PXDNL: variants seen among roughly 807,000 people sequenced by gnomAD.
PXDNL encodes probable oxidoreductase PXDNL.
A neutral mutation model predicts 150.8 loss-of-function variants in PXDNL; 145 were observed. The observed-to-expected ratio is 0.96, with a 90% CI of 0.84 to 1.10. The LOEUF (loss-of-function observed/expected upper bound fraction) is 1.10. Ranked by LOEUF, PXDNL falls within the 50% of genes least tolerant of loss-of-function variation. PXDNL has a pLI of 0.00. For missense variants in PXDNL, 2,087 were observed against 1,873.9 expected, an observed-to-expected ratio of 1.11 and a Z score of -2.10; for synonymous variants, 757 against 725.7, an observed-to-expected ratio of 1.04 and a Z score of -0.69.
chr8:51,617,091 T>C (rs1336626620), intron 2 of PXDNL, among the ~76,000 whole-genome samples: 2 of 152,172 alleles, frequency 1.3e-5, no homozygotes, highest in Non-Finnish European at 2.9e-5. Flanking sequence ...ATTGGGAGAA[T>C]AGACCGTTAA....
Position 51,500,515 on chromosome 8 carries a change from T to G in PXDNL, c.381-745A>C, listed in dbSNP as rs964670088. On this transcript the variant is annotated intron_variant, in intron 4 of 22. Coordinates refer to ENST00000356297, the MANE Select transcript of PXDNL (RefSeq NM_144651.5). Reference sequence around the variant, plus strand: ...GTTGAGCAGACCTTTGTGAAGCAAATCTTCCCAACAGACAGAAAGATCCAT... The same window carrying G: ...GTTGAGCAGACCTTTGTGAAGCAAAGCTTCCCAACAGACAGAAAGATCCAT... 5.3e-5 allele frequency among the ~76,000 whole-genome samples: 8 copies of G among 152,320 alleles called. No homozygotes were observed. In the East Asian group the frequency reaches 7.7e-4, roughly 15 times the overall value.
intron 1 of PXDNL, among the ~76,000 whole-genome samples, chr8:51,658,677 C>G (rs1815206818): frequency 6.6e-6 from 1 of 152,122 alleles, no homozygotes; most frequent in South Asian, 2.1e-4. Context: ...ATTCAAATGG[C>G]CACCAAATTT....
chr8:51,375,673 T>G (rs1200612946), intron 17 of PXDNL, among the ~76,000 whole-genome samples: 4 of 152,232 alleles, frequency 2.6e-5, no homozygotes, highest in Non-Finnish European at 5.9e-5. Flanking sequence ...CCAATTTAGT[T>G]TAGTTACACT....
intron 1 of PXDNL, among the ~76,000 whole-genome samples, chr8:51,793,108 G>A (rs1008004053): frequency 6.6e-6 from 1 of 152,114 alleles, no homozygotes. Context: ...GCCCCTCTGG[G>A]ACAGACAGCC....
chr8:51,567,319 A>G (rs1812849129), intron 3 of PXDNL, among the ~76,000 whole-genome samples: 4 of 151,712 alleles, frequency 2.6e-5, no homozygotes, highest in Admixed American at 6.6e-5. Context: ...GTTCAGTTCA[A>G]CTTACTAGTT....
intron 2 of PXDNL, among the ~76,000 whole-genome samples, chr8:51,653,591 C>T (rs1029470565): frequency 6.6e-6 from 1 of 152,094 alleles, no homozygotes; most frequent in Admixed American, 6.6e-5. Context: ...AAAGAATAAA[C>T]CCTGCAGTCC....
chr8:51,705,407 A>T (rs1816356477), intron 1 of PXDNL, among the ~76,000 whole-genome samples: 3 of 152,224 alleles, frequency 2.0e-5, no homozygotes, highest in Non-Finnish European at 4.4e-5. Flanking sequence ...ACATCCAAGA[A>T]ATTAAATTAA....
chr8:51,652,623 T>C (rs1815065742), intron 2 of PXDNL, among the ~76,000 whole-genome samples: 1 of 152,208 alleles, frequency 6.6e-6, no homozygotes, highest in Non-Finnish European at 1.5e-5. Flanking sequence ...GACTCTGCTC[T>C]TTTCTATCTG....
chr8:51,333,589 C>T (rs1298717066), intron 21 of PXDNL, among the ~76,000 whole-genome samples: 1 of 152,160 alleles, frequency 6.6e-6, no homozygotes, highest in Non-Finnish European at 1.5e-5. Context: ...CAACTATCTG[C>T]TGCCTTCAGG....
intron 17 of PXDNL, among the ~76,000 whole-genome samples, chr8:51,395,066 T>C (rs1455196285): frequency 6.6e-6 from 1 of 152,086 alleles, no homozygotes; most frequent in Non-Finnish European, 1.5e-5. Context: ...GCTGAGTAAC[T>C]ACCCAGAGGC....
intron 3 of PXDNL, among the ~76,000 whole-genome samples, chr8:51,591,476 C>G (rs887180573): frequency 7.0e-6 from 1 of 142,036 alleles, no homozygotes; most frequent in South Asian, 2.3e-4. Flanking sequence ...TCAGTGGTTT[C>G]GGGAGATACT....
intron 7 of PXDNL, 79 bp from the exon 8 acceptor site, chr8:51,472,383 G>A (rs1191725381): frequency 1.9e-6 from 2 of 1,037,022 alleles, no homozygotes; most frequent in Non-Finnish European, 2.9e-6. Context: ...AGAGATATAG[G>A]CAATTTAAAT....
At chr8:51,690,349 T>C (rs1231912490) in intron 1 of PXDNL, among the ~76,000 whole-genome samples, 2 of 151,614 alleles carry the variant, frequency 1.3e-5, no homozygotes, top group East Asian at 3.9e-4. Flanking sequence ...GTCCCCAGAG[T>C]GTGATGTTCC....
chr8:51,343,323 G>A (rs1160924278), intron 20 of PXDNL, among the ~76,000 whole-genome samples: 2 of 152,042 alleles, frequency 1.3e-5, no homozygotes, highest in Non-Finnish European at 2.9e-5. Context: ...AAACAACTAT[G>A]GTACATTTAA....
intron 22 of PXDNL, among the ~76,000 whole-genome samples, chr8:51,320,440 A>G (rs1357375555): frequency 6.6e-6 from 1 of 152,224 alleles, no homozygotes; most frequent in African/African-American, 2.4e-5. Context: ...GCCTTTAGGC[A>G]GCATTTATAA....
intron 19 of PXDNL, among the ~76,000 whole-genome samples, chr8:51,366,932 C>G (rs943694580): frequency 4.0e-5 from 6 of 151,840 alleles, no homozygotes; most frequent in Non-Finnish European, 2.9e-5. Flanking sequence ...GAAACCCCTT[C>G]TCTACTAAAA....
chr8:51,803,174 G>A (rs1381295197), intron 1 of PXDNL, among the ~76,000 whole-genome samples: 1 of 152,162 alleles, frequency 6.6e-6, no homozygotes, highest in Non-Finnish European at 1.5e-5. Context: ...CCTCCCATCT[G>A]TCCTGCTGGG....
chr8:51,337,585 A>G (rs1486513687), intron 21 of PXDNL, among the ~76,000 whole-genome samples: 3 of 152,342 alleles, frequency 2.0e-5, no homozygotes, highest in Non-Finnish European at 4.4e-5. Flanking sequence ...GATTTTTATA[A>G]GGCTCAGACT....
chr8:51,322,868 C>A (rs1235347388), intron 21 of PXDNL, among the ~76,000 whole-genome samples: 1 of 152,174 alleles, frequency 6.6e-6, no homozygotes. Flanking sequence ...GGCATCCACC[C>A]ATTCATTACT....
Sources: allele counts gnomAD v4.1 joint callset (sites outside exome capture counted in the v4.1 genomes callset), GRCh38; gene constraint gnomAD v4.1.1; transcripts MANE v1.5; gene names NCBI Gene and HGNC (gene_info 2026-07-23, HGNC 2026-07-21).